The following GGTA1 variants were observed in gnomAD, a reference collection of about 807,000 sequenced individuals.
GGTA1 encodes glycoprotein alpha-galactosyltransferase 1 (inactive), also known as inactive N-acetyllactosaminide alpha-1,3-galactosyltransferase.
GGTA1 carries 5 observed loss-of-function variants against 2.6 expected under a neutral mutation model. The ratio of observed to expected loss-of-function variants is 1.92; its 90% CI spans 1.00 to 4.04. The LOEUF is 4.04. Among genes scored for constraint, GGTA1 ranks in the 30% most tolerant of loss-of-function variants. The pLI, the probability that GGTA1 is intolerant of heterozygous loss-of-function variation, is 0.00. For synonymous variants in GGTA1, 17 were observed against 5.0 expected (o/e 3.38, Z -3.19); for missense variants, 50 against 16.7 (o/e 2.99, Z -3.47).
intron 1 of GGTA1, among the ~76,000 whole-genome samples, chr9:121,499,271 A>AG (rs1829056252): frequency 6.6e-6 from 1 of 151,772 alleles, no homozygotes; most frequent in African/African-American, 2.4e-5. Flanking sequence ...CCTGCCCCAC[A>AG]GGCAAGGACA....
chr9:121,457,426 C>T (rs117371713), intron 5 of GGTA1, among the ~76,000 whole-genome samples: 2,481 of 152,210 alleles, frequency 0.016, 28 homozygotes, highest in Middle Eastern at 0.031. Flanking sequence ...ATAAGCCGGG[C>T]GTGGTGGCTC....
chr9:121,450,180 T>C (rs2064871646), downstream of GGTA1, among the ~76,000 whole-genome samples: 1 of 152,182 alleles, frequency 6.6e-6, no homozygotes, highest in South Asian at 2.1e-4. Flanking sequence ...TTTATAGTAT[T>C]GATTCTTTAA....
chr9:121,476,202 G>A lies in GGTA1; in HGVS notation c.-9-8271C>T, dbSNP rs183794380. Among the ~76,000 whole-genome samples the A allele has an allele frequency of 6.6e-6, 1 of 152,226 alleles. No homozygotes were observed. The highest frequency in any genetic ancestry group is 6.5e-5 in the Admixed American group (1 of 15,274). On this transcript the variant is annotated intron_variant, in intron 1 of 5. Transcript: ENST00000481799. The surrounding 1 kb of genome is among the most constrained non-coding windows in gnomAD (Gnocchi z 4.6). ...AGCATCTCTCAGAACAGTCAGGAGCGAGTCCACACGCCAACTGCATGTTGT... is the reference window on the plus strand; with the variant it reads ...AGCATCTCTCAGAACAGTCAGGAGCAAGTCCACACGCCAACTGCATGTTGT...
chr9:121,474,590 A>C (rs1828465067), intron 1 of GGTA1, among the ~76,000 whole-genome samples: 1 of 151,988 alleles, frequency 6.6e-6, no homozygotes, highest in African/African-American at 2.4e-5. Context: ...ACAGAACAAC[A>C]CACACACCCT....
At chr9:121,486,373 AG>A (rs753792961) in intron 1 of GGTA1, among the ~76,000 whole-genome samples, 1 of 152,222 alleles carries the variant, frequency 6.6e-6, no homozygotes, top group Non-Finnish European at 1.5e-5. Context: ...CACAATGAAC[AG>A]GTTCCCAGTC....
At chr9:121,467,326 A>C (rs1449578273) in intron 2 of GGTA1, among the ~76,000 whole-genome samples, 1 of 152,216 alleles carries the variant, frequency 6.6e-6, no homozygotes, top group Admixed American at 6.5e-5. Flanking sequence ...AAACACACAC[A>C]CACACCCACA....
intron 2 of GGTA1, among the ~76,000 whole-genome samples, chr9:121,464,012 A>T (rs1162591853): frequency 6.6e-6 from 1 of 152,092 alleles, no homozygotes; most frequent in Admixed American, 6.6e-5. Flanking sequence ...GCATAACCCT[A>T]CCTGGCACTC....
chr9:121,496,153 A>G (rs1319677815), intron 1 of GGTA1, among the ~76,000 whole-genome samples: 3 of 152,232 alleles, frequency 2.0e-5, no homozygotes, highest in African/African-American at 7.2e-5. Context: ...CACTTATTGC[A>G]TCTATATAAT....
intron 1 of GGTA1, among the ~76,000 whole-genome samples, chr9:121,481,816 G>T (rs1398661167): frequency 6.6e-6 from 1 of 150,636 alleles, no homozygotes; most frequent in Admixed American, 6.6e-5. Context: ...GACCAACATG[G>T]AGAAACCCCG....
intron 1 of GGTA1, chr9:121,479,164 T>C (rs1464358156): frequency 2.2e-6 from 1 of 453,174 alleles, no homozygotes; most frequent in Non-Finnish European, 4.4e-6. Context: ...ACCGAGAGTT[T>C]AGGGCGATCC....
downstream of GGTA1, among the ~76,000 whole-genome samples, chr9:121,453,714 G>C (rs550264285): frequency 6.6e-6 from 1 of 152,218 alleles, no homozygotes; most frequent in Non-Finnish European, 1.5e-5. Flanking sequence ...TGGTGAGGCT[G>C]TCAAGGAGAC....
At chr9:121,473,940 G>GGAGAGAGAGAGAGA (rs761577056) in intron 1 of GGTA1, among the ~76,000 whole-genome samples, 2 of 122,384 alleles carry the variant, frequency 1.6e-5, no homozygotes, top group African/African-American at 6.4e-5. Context: ...AAAGAGAGAA[G>GGAGAGAGAGAGAGA]GAGAGAGAGA....
intron 1 of GGTA1, among the ~76,000 whole-genome samples, chr9:121,495,575 CATT>C (rs1435024066): frequency 3.3e-5 from 5 of 152,104 alleles, no homozygotes; most frequent in Non-Finnish European, 7.4e-5. Flanking sequence ...TGACTATCCT[CATT>C]GTTTTCATTA....
downstream of GGTA1, among the ~76,000 whole-genome samples, chr9:121,453,151 T>G (rs546383060): frequency 6.6e-6 from 1 of 152,182 alleles, no homozygotes; most frequent in Admixed American, 6.5e-5. Context: ...TTAAAGGGAT[T>G]CTGATGTTAC....
chr9:121,468,602 TCCACAATGGTTGAACTAATTTACATGC>T (rs1419795404), intron 1 of GGTA1, among the ~76,000 whole-genome samples: 1 of 152,222 alleles, frequency 6.6e-6, no homozygotes, highest in Non-Finnish European at 1.5e-5. Flanking sequence ...CACACTGTCT[TCCACAATGGTTGAACTAATTTACATGC>T]CCACCTAATT....
At chr9:121,473,073 A>C (rs528250220) in intron 1 of GGTA1, among the ~76,000 whole-genome samples, 1 of 152,280 alleles carries the variant, frequency 6.6e-6, no homozygotes, top group Non-Finnish European at 1.5e-5. Context: ...TAATCTCAGC[A>C]CTTTGGGAGG....
chr9:121,453,306 T>G, downstream of GGTA1, among the ~76,000 whole-genome samples: 1 of 151,680 alleles, frequency 6.6e-6, no homozygotes, highest in East Asian at 1.9e-4. Context: ...ACAAAAGGGG[T>G]GAGAGGGAGG....
chr9:121,499,277 G>A lies in GGTA1; in HGVS notation c.-10+373C>T, dbSNP rs1211264777. Among the ~76,000 whole-genome samples, 5 of 152,152 alleles carry A rather than the reference G, an allele frequency of 3.3e-5. No individual in the cohort carries two copies. The East Asian group carries it at 9.8e-4, about 30-fold the overall frequency. ...TTCCTCTGTCCTGCCCCACAGGCAAGGACAGACCCCTCACTCACTGCGACT... is the reference window on the plus strand; with the variant it reads ...TTCCTCTGTCCTGCCCCACAGGCAAAGACAGACCCCTCACTCACTGCGACT... On this transcript the variant is annotated intron_variant, in intron 1 of 5. Transcript: ENST00000481799.
chr9:121,463,906 ACTCAGAGCCTT>A (rs903678452), intron 2 of GGTA1, among the ~76,000 whole-genome samples: 1 of 152,104 alleles, frequency 6.6e-6, no homozygotes, highest in Non-Finnish European at 1.5e-5. Context: ...GCCATGGCCA[ACTCAGAGCCTT>A]CTATAGAACA....
Sources: allele counts gnomAD v4.1 joint callset (sites outside exome capture counted in the v4.1 genomes callset), GRCh38; gene constraint gnomAD v4.1.1; non-coding constraint Gnocchi (gnomAD v3.1); transcripts MANE v1.5; gene names NCBI Gene and HGNC (gene_info 2026-07-23, HGNC 2026-07-21).